The following MCOLN3 variants were observed in gnomAD, a reference collection of about 807,000 sequenced individuals.
The protein encoded by MCOLN3 is mucolipin TRP cation channel 3.
Under a neutral mutation model 69.4 loss-of-function variants are expected in MCOLN3, and 62 were observed. The observed-to-expected ratio is 0.89, with a 90% CI of 0.73 to 1.10. MCOLN3 has a LOEUF of 1.10. MCOLN3 is among the 50% of genes least tolerant of loss of function. The pLI is 0.00. For missense variants in MCOLN3, 564 were observed against 656.4 expected, an observed-to-expected ratio of 0.86 and a Z score of 1.54; for synonymous variants, 183 against 217.0, an observed-to-expected ratio of 0.84 and a Z score of 1.38.
chr1:85,018,153 G>A lies in MCOLN3; in HGVS notation c.*970C>T, dbSNP rs1010725329. Reference sequence around the variant, plus strand: ...TTTACTTTCTACTTTAACACTGAAGGAGGATAGAAAACTTGTAAATGAGTA... The same window carrying A: ...TTTACTTTCTACTTTAACACTGAAGAAGGATAGAAAACTTGTAAATGAGTA... On this transcript the variant is annotated 3_prime_UTR_variant, in exon 13 of 13. Transcript: ENST00000370589. 6.6e-6 allele frequency: 1 copy of A among 152,142 alleles called. No individual in the cohort carries two copies. Among genetic ancestry groups the A allele is most frequent in the Non-Finnish European group, 1.5e-5 (1 of 68,014 alleles). 9.4% of individuals were successfully genotyped at this position (152,142 alleles called of 1,614,324 possible). A position where few individuals can be genotyped will look rare whatever the true frequency, so the allele number is the denominator to read the frequency against.
Position 85,019,196 on chromosome 1 carries a change from T to A in MCOLN3, c.1589A>T (p.Asp530Val), listed in dbSNP as rs768772045. Residue 530 changes from aspartate to valine, a missense_variant, in exon 13 of 13, where the codon GAT becomes GTT. Physicochemically the swap from Asp to Val is radical, Grantham distance 152 (BLOSUM62 -3). Transcript: ENST00000370589. ...ELRTFISECKDLPNSGKYRLE... is the reference protein window; with the variant it reads ...ELRTFISECKVLPNSGKYRLE... The stretch of plus-strand genomic sequence containing the variant: ...TCTGTATTTTCCAGAGTTGGGTAGA[T>A]CTTTGCATTCTGATATAAATGTACG... The A allele has an allele frequency of 1.2e-6, 2 of 1,613,570 alleles. No homozygotes were observed. The highest frequency in any genetic ancestry group is 1.7e-6 in the Non-Finnish European group (2 of 1,179,532).
At chr1:85,046,441 T>C (rs1321513735) in intron 1 of MCOLN3, among the ~76,000 whole-genome samples, 3 of 152,268 alleles carry the variant, frequency 2.0e-5, no homozygotes, top group South Asian at 2.1e-4. Context: ...CAGACTAAGA[T>C]TGATATTATA....
In MCOLN3 at chr1:85,022,390, C is replaced by G. The variant is rs1357002941; in HGVS notation, c.1106G>C (p.Ser369Thr). 1 of 1,600,858 alleles carries G rather than the reference C, an allele frequency of 6.2e-7. No homozygotes were observed. The highest frequency in any genetic ancestry group is 1.7e-5 in the Admixed American group (1 of 59,024). Residue 369 changes from serine (S) to threonine (T), a missense_variant, in exon 10 of 13, where the codon AGT (serine) becomes ACT (threonine). By Grantham distance (58) the Ser-to-Thr change is moderately conservative. Transcript: ENST00000370589. Reference sequence around the variant, plus strand: ...AAGAAGTATGCTACAGACATCATAACTAGTTAGACTCTAAGAGAGAGTGGA... The same window carrying G: ...AAGAAGTATGCTACAGACATCATAAGTAGTTAGACTCTAAGAGAGAGTGGA... ...KMEIQAKSLT[S>T]YDVCSILLGT...
intron 2 of MCOLN3, among the ~76,000 whole-genome samples, chr1:85,043,247 G>C (rs1346419495): frequency 6.6e-6 from 1 of 152,056 alleles, no homozygotes; most frequent in South Asian, 2.1e-4. Flanking sequence ...AATTGAGTAT[G>C]GGCCGGGCAC....
Position 85,018,360 on chromosome 1 carries a change from TA to T in MCOLN3, c.*762del, listed in dbSNP as rs1651762603. 6.6e-6 allele frequency: 1 copy of T among 152,196 alleles called. No individual in the cohort carries two copies. The highest frequency in any genetic ancestry group is 6.5e-5 in the Admixed American group (1 of 15,282). 9.4% of individuals were successfully genotyped at this position (152,196 alleles called of 1,614,324 possible). A position where few individuals can be genotyped will look rare whatever the true frequency, so the allele number is the denominator to read the frequency against. ...TGTCCCTTTTCTATGTTTAGATACT[TA>T]CCATTGTGTTACAATTGCCTACTGT... On this transcript the variant is annotated 3_prime_UTR_variant, in exon 13 of 13. Transcript: ENST00000370589.
At chr1:85,030,045 T>C (rs564132938) in intron 6 of MCOLN3, 1 of 152,376 alleles carries the variant, frequency 6.6e-6, no homozygotes, top group East Asian at 1.9e-4. Flanking sequence ...GTTCAACCAC[T>C]GTATTTCTCC....
Position 85,018,831 on chromosome 1 carries a change from A to G in MCOLN3, c.*292T>C. On this transcript the variant is annotated 3_prime_UTR_variant, in exon 13 of 13. Coordinates refer to ENST00000370589, the MANE Select transcript of MCOLN3 (RefSeq NM_018298.11). ...AGAATAGCAGGAGCAACAGTATCAG[A>G]GCAAAAGAGAGGCATACAGAATACA... 7.0e-6 allele frequency: 2 copies of G among 283,738 alleles called. No homozygotes were observed. Among genetic ancestry groups the G allele is most frequent in the Non-Finnish European group, 1.3e-5 (2 of 151,408 alleles). The allele number at this position is 283,738 out of a possible 1,614,324, so 17.6% of individuals were successfully genotyped here.
intron 10 of MCOLN3, 23 bp from the exon 11 acceptor site, chr1:85,022,215 T>G: frequency 6.2e-7 from 1 of 1,613,858 alleles, no homozygotes; most frequent in South Asian, 1.1e-5. Context: ...GAGAGGCCAT[T>G]AGAATGGTTT....
Position 85,018,893 on chromosome 1 carries a change from T to C in MCOLN3, c.*230A>G. The stretch of plus-strand genomic sequence containing the variant: ...TGGCAAAATAAACAAGAAATAATAA[T>C]AATCCAATAGCTTTCCTCATTAAAG... On this transcript the variant is annotated 3_prime_UTR_variant, in exon 13 of 13. Transcript: ENST00000370589. 1 of 443,308 alleles carries C rather than the reference T, an allele frequency of 2.3e-6. No individual in the cohort carries two copies. The allele number at this position is 443,308 out of a possible 1,614,324, so 27.5% of individuals were successfully genotyped here.
intron 12 of MCOLN3, 83 bp from the exon 13 acceptor site, chr1:85,019,340 C>A: frequency 7.2e-7 from 1 of 1,379,896 alleles, no homozygotes; most frequent in Non-Finnish European, 1.0e-6. Context: ...GATCATTTGG[C>A]AAGGGAGGGG....
In MCOLN3 at chr1:85,021,304, T is replaced by G. The variant is rs1229358992; in HGVS notation, c.1321-28A>C. 4 of 1,575,560 alleles carry G rather than the reference T, an allele frequency of 2.5e-6. No individual in the cohort carries two copies. In the African/African-American group the frequency reaches 4.1e-5, roughly 16 times the overall value. ...GGAAAAAGAAAAGAGAAAAGTTCAC[T>G]TTATTCCATGTTCCTTCCCATTGGA... On this transcript the variant is annotated intron_variant, in intron 11 of 12. Coordinates refer to ENST00000370589, the MANE Select transcript of MCOLN3 (RefSeq NM_018298.11).
At chr1:85,026,768 A>AG (rs1178883838) in intron 7 of MCOLN3, among the ~76,000 whole-genome samples, 1 of 151,880 alleles carries the variant, frequency 6.6e-6, no homozygotes, top group East Asian at 1.9e-4. Context: ...AAAAAAAAAA[A>AG]AAGAAAAATC....
Position 85,018,984 on chromosome 1 carries a change from C to T in MCOLN3, c.*139G>A. 1.4e-6 allele frequency: 1 copy of T among 719,988 alleles called. No homozygotes were observed. Among genetic ancestry groups the T allele is most frequent in the East Asian group, 3.0e-5 (1 of 32,978 alleles). The allele number at this position is 719,988 out of a possible 1,614,324, so 44.6% of individuals were successfully genotyped here. A position where few individuals can be genotyped will look rare whatever the true frequency, so the allele number is the denominator to read the frequency against. On this transcript the variant is annotated 3_prime_UTR_variant, in exon 13 of 13. Transcript: ENST00000370589. ...TAAATATTGCTTTTAAAAATATAAA[C>T]AGTTATTGGTGAATTATAGGTCTCA...
chr1:85,021,662 G>C (rs1400804582), intron 11 of MCOLN3, among the ~76,000 whole-genome samples: 2 of 152,174 alleles, frequency 1.3e-5, no homozygotes, highest in Non-Finnish European at 2.9e-5. Flanking sequence ...TTTAAGATAA[G>C]AGCATAATAT....
At chr1:85,039,780 T>G (rs981394631) in intron 3 of MCOLN3, among the ~76,000 whole-genome samples, 1 of 152,070 alleles carries the variant, frequency 6.6e-6, no homozygotes, top group South Asian at 2.1e-4. Flanking sequence ...ACCCTGTCTC[T>G]ATAAAAAAAA....
At chr1:85,035,425 G>A (rs1445730091) in intron 3 of MCOLN3, among the ~76,000 whole-genome samples, 1 of 152,162 alleles carries the variant, frequency 6.6e-6, no homozygotes, top group African/African-American at 2.4e-5. Context: ...CCTACATGAT[G>A]CCTATGGTGT....
At chr1:85,033,089 T>TA (rs1447758677) in intron 4 of MCOLN3, 133 bp from the exon 5 acceptor site, 3 of 825,048 alleles carry the variant, frequency 3.6e-6, no homozygotes, top group Admixed American at 5.0e-5. Context: ...ATTAAAATTT[T>TA]AAAAGCTAAA....
At chr1:85,036,148 C>G (rs766840376) in intron 3 of MCOLN3, among the ~76,000 whole-genome samples, 7 of 152,110 alleles carry the variant, frequency 4.6e-5, no homozygotes, top group Non-Finnish European at 1.0e-4. Flanking sequence ...ACTGCAGTAC[C>G]CTTGCACACA....
chr1:85,032,083 GAA>G (rs1491106479), intron 6 of MCOLN3, among the ~76,000 whole-genome samples: 2 of 103,718 alleles, frequency 1.9e-5, no homozygotes, highest in Non-Finnish European at 4.2e-5. Context: ...CTCAAAAAAA[GAA>G]GAGAGAGAGA....
Sources: allele counts gnomAD v4.1 joint callset (sites outside exome capture counted in the v4.1 genomes callset), GRCh38; gene constraint gnomAD v4.1.1; transcripts MANE v1.5; gene names NCBI Gene and HGNC (gene_info 2026-07-23, HGNC 2026-07-21).